Variants in AFF3 observed in about 807,000 individuals in gnomAD.
The protein encoded by AFF3 is ALF transcription elongation factor 3.
A neutral mutation model predicts 129.7 loss-of-function variants in AFF3; 32 were observed. That is an observed-to-expected ratio of 0.25 (90% CI 0.19 to 0.33). The LOEUF is 0.33. Among genes scored for constraint, AFF3 ranks in the 10% least tolerant of loss-of-function variants. The pLI is 1.00. For synonymous variants in AFF3, 644 were observed against 635.4 expected (o/e 1.01, Z -0.20); for missense variants, 1,373 against 1,592.0 (o/e 0.86, Z 2.34).
intron 8 of AFF3, among the ~76,000 whole-genome samples, chr2:99,771,766 G>T (rs951760332): frequency 6.6e-6 from 1 of 152,106 alleles, no homozygotes; most frequent in Non-Finnish European, 1.5e-5. Context: ...AGGAAGTGAC[G>T]TATTTCTAAA....
chr2:100,049,877 T>G (rs1686145230), intron 4 of AFF3, among the ~76,000 whole-genome samples: 3 of 152,174 alleles, frequency 2.0e-5, no homozygotes, highest in Admixed American at 2.0e-4. Flanking sequence ...ACTGCCCTAT[T>G]CTGAATGTAA....
chr2:100,019,266 T>A (rs1683390057), intron 4 of AFF3, among the ~76,000 whole-genome samples: 1 of 152,186 alleles, frequency 6.6e-6, no homozygotes, highest in East Asian at 1.9e-4. Context: ...GGAGATAGGC[T>A]GTGGTTGAAA....
intron 7 of AFF3, among the ~76,000 whole-genome samples, chr2:99,891,594 C>G (rs1693556030): frequency 6.6e-6 from 1 of 152,274 alleles, no homozygotes; most frequent in South Asian, 2.1e-4. Context: ...ACTGAGCTTT[C>G]CACTTTGGTC....
intron 7 of AFF3, among the ~76,000 whole-genome samples, chr2:99,984,638 G>A (rs1679699594): frequency 1.3e-5 from 2 of 152,150 alleles, no homozygotes; most frequent in Non-Finnish European, 2.9e-5. Context: ...ACAAAATAGT[G>A]TATTAATACC....
At chr2:99,924,379 C>T (rs939143412) in intron 7 of AFF3, among the ~76,000 whole-genome samples, 1 of 152,164 alleles carries the variant, frequency 6.6e-6, no homozygotes, top group Admixed American at 6.6e-5. Context: ...TCCTAGAGTT[C>T]CCAAAGAAAT....
intron 7 of AFF3, among the ~76,000 whole-genome samples, chr2:99,925,728 T>C (rs1696191021): frequency 6.6e-6 from 1 of 152,234 alleles, no homozygotes; most frequent in African/African-American, 2.4e-5. Context: ...TCAGAAGTCA[T>C]GTGCAGGTAG....
intron 4 of AFF3, among the ~76,000 whole-genome samples, chr2:100,082,494 G>C (rs1471736609): frequency 6.6e-6 from 1 of 151,884 alleles, no homozygotes; most frequent in Non-Finnish European, 1.5e-5. Context: ...TAGCTGCCAG[G>C]GGAAAATGGA....
At chr2:99,918,116 C>T (rs1314376247) in intron 7 of AFF3, among the ~76,000 whole-genome samples, 1 of 152,122 alleles carries the variant, frequency 6.6e-6, no homozygotes, top group Non-Finnish European at 1.5e-5. Flanking sequence ...GAAACTCTCT[C>T]GCTTATTATT....
At chr2:100,045,332 T>TA (rs1255593774) in intron 4 of AFF3, among the ~76,000 whole-genome samples, 4 of 152,194 alleles carry the variant, frequency 2.6e-5, no homozygotes, top group African/African-American at 7.2e-5. Context: ...GTTCTGCCTC[T>TA]AAGAGGCACA....
chr2:99,567,472 C>T (rs1161581952), intron 19 of AFF3, among the ~76,000 whole-genome samples: 1 of 152,048 alleles, frequency 6.6e-6, no homozygotes, highest in Non-Finnish European at 1.5e-5. Context: ...CTGTGATTAC[C>T]CAACAAAATA....
chr2:99,686,808 T>C (rs1057306375), intron 11 of AFF3, among the ~76,000 whole-genome samples: 1 of 152,328 alleles, frequency 6.6e-6, no homozygotes, highest in East Asian at 1.9e-4. Context: ...GAAGCAGAGA[T>C]GAGACTGTCT....
In AFF3 at chr2:99,547,172, G is replaced by A. The variant is rs545258358; in HGVS notation, c.*4302C>T. Reference sequence around the variant, plus strand: ...GGGAGCCAGAACAACTGACTTGAACGTATTTTGATTCTCAAGTTTCCGTGT... The same window carrying A: ...GGGAGCCAGAACAACTGACTTGAACATATTTTGATTCTCAAGTTTCCGTGT... On this transcript the variant is annotated 3_prime_UTR_variant, in exon 25 of 25. Transcript: ENST00000672756. 13 of 217,056 alleles carry A rather than the reference G, an allele frequency of 6.0e-5. No individual in the cohort carries two copies. The South Asian group carries it at 1.5e-3, about 25-fold the overall frequency. The allele number at this position is 217,056 out of a possible 1,614,324, so 13.4% of individuals were successfully genotyped here.
chr2:99,724,480 C>T (rs1399730154), intron 11 of AFF3, among the ~76,000 whole-genome samples: 3 of 151,734 alleles, frequency 2.0e-5, no homozygotes, highest in African/African-American at 7.3e-5. Flanking sequence ...GCCATGTTGG[C>T]CAGGCTGGTT....
chr2:99,633,484 C>A lies in AFF3; in HGVS notation c.1184+16142G>T, dbSNP rs116516727. ...AGGAGCCAGGAAAGGAAAACAGCTCCAGGGAGAAGGTCCAGCATGTGTGCT... is the reference window on the plus strand; with the variant it reads ...AGGAGCCAGGAAAGGAAAACAGCTCAAGGGAGAAGGTCCAGCATGTGTGCT... On this transcript the variant is annotated intron_variant, in intron 13 of 24. Coordinates refer to ENST00000672756, the MANE Select transcript of AFF3 (RefSeq NM_001386135.1). Among the ~76,000 whole-genome samples, 274 of 152,240 alleles carry A rather than the reference C, an allele frequency of 1.8e-3. 1 individual carries two copies. Among genetic ancestry groups the A allele is most frequent in the African/African-American group, 6.4e-3 (266 of 41,536 alleles).
chr2:100,070,416 G>A (rs540308031), intron 4 of AFF3, among the ~76,000 whole-genome samples: 1 of 152,232 alleles, frequency 6.6e-6, no homozygotes, highest in South Asian at 2.1e-4. Context: ...ACACTTTTTG[G>A]AGCAGTCATG....
intron 4 of AFF3, among the ~76,000 whole-genome samples, chr2:100,063,702 A>C (rs1687484575): frequency 6.6e-6 from 1 of 152,162 alleles, no homozygotes; most frequent in Non-Finnish European, 1.5e-5. Context: ...ATAGAAAGGA[A>C]GGAGGAAAGG....
intron 7 of AFF3, among the ~76,000 whole-genome samples, chr2:99,973,886 A>G (rs1678628752): frequency 6.6e-6 from 1 of 152,154 alleles, no homozygotes; most frequent in Non-Finnish European, 1.5e-5. Context: ...GGCGTTAATG[A>G]GCCATTTCAG....
chr2:99,987,173 T>A (rs1187648811), intron 7 of AFF3, among the ~76,000 whole-genome samples: 5 of 152,234 alleles, frequency 3.3e-5, no homozygotes, highest in African/African-American at 4.8e-5. Context: ...GGTTTGTTCA[T>A]CTATTTCAAT....
At chr2:99,764,334 A>C (rs1356766771) in intron 8 of AFF3, among the ~76,000 whole-genome samples, 1 of 152,108 alleles carries the variant, frequency 6.6e-6, no homozygotes, top group Non-Finnish European at 1.5e-5. Context: ...TAGAACATTG[A>C]GAAAAGTCAA....
Sources: allele counts gnomAD v4.1 joint callset (sites outside exome capture counted in the v4.1 genomes callset), GRCh38; gene constraint gnomAD v4.1.1; transcripts MANE v1.5; gene names NCBI Gene and HGNC (gene_info 2026-07-23, HGNC 2026-07-21).